Variants in FYN observed in about 807,000 individuals in gnomAD.
The protein encoded by FYN is FYN proto-oncogene, Src family tyrosine kinase.
FYN carries 10 observed loss-of-function variants against 70.2 expected under a neutral mutation model. The observed-to-expected ratio is 0.14, with a 90% CI of 0.09 to 0.24. FYN has a LOEUF of 0.24. Among genes scored for constraint, FYN ranks in the 10% least tolerant of loss-of-function variants. The pLI is 1.00. For synonymous variants in FYN, 236 were observed against 248.6 expected (o/e 0.95, Z 0.48); for missense variants, 319 against 673.1 (o/e 0.47, Z 5.82).
chr6:111,825,526 G>A (rs114658563), intron 2 of FYN, among the ~76,000 whole-genome samples: 128 of 152,314 alleles, frequency 8.4e-4, no homozygotes, highest in African/African-American at 3.0e-3. Context: ...GGATTTCTGT[G>A]AGCATTAAAT....
intron 2 of FYN, among the ~76,000 whole-genome samples, chr6:111,790,819 C>T (rs1257276530): frequency 6.6e-6 from 1 of 152,060 alleles, no homozygotes; most frequent in Non-Finnish European, 1.5e-5. Context: ...AAATCTCCAT[C>T]AAAAGAATAC....
At chr6:111,798,057 C>T (rs1771874331) in intron 2 of FYN, among the ~76,000 whole-genome samples, 1 of 152,092 alleles carries the variant, frequency 6.6e-6, no homozygotes, top group South Asian at 2.1e-4. Flanking sequence ...AGTCACCGTG[C>T]CCGACCCTAG....
At chr6:111,778,034 T>C (rs999320231) in intron 3 of FYN, among the ~76,000 whole-genome samples, 8 of 152,326 alleles carry the variant, frequency 5.3e-5, no homozygotes, top group South Asian at 2.1e-4. Context: ...AGGAAGAGGA[T>C]TGGGTGTCTA....
intron 4 of FYN, 102 bp from the exon 5 acceptor site, chr6:111,714,545 T>C: frequency 1.2e-6 from 1 of 808,928 alleles, no homozygotes; most frequent in Non-Finnish European, 2.1e-6. Context: ...AATCTACATC[T>C]AGCCAGCACT....
At chr6:111,699,913 CTTTTTTTTTTTTT>C (rs71021861) in intron 9 of FYN, 178 bp downstream of exon 9, 5 of 186,568 alleles carry the variant, frequency 2.7e-5, no homozygotes, top group South Asian at 9.4e-5. Flanking sequence ...CACTTACTAT[CTTTTTTTTTTTTT>C]TTTTTTTTTT....
At chr6:111,675,857 A>C (rs1798512945) in intron 12 of FYN, among the ~76,000 whole-genome samples, 1 of 151,754 alleles carries the variant, frequency 6.6e-6, no homozygotes, top group Non-Finnish European at 1.5e-5. Context: ...ATAAAATAAA[A>C]GGGATTCAGC....
At chr6:111,804,313 G>C (rs527252190) in intron 2 of FYN, among the ~76,000 whole-genome samples, 88 of 152,298 alleles carry the variant, frequency 5.8e-4, no homozygotes, top group Non-Finnish European at 9.0e-4. Context: ...CTGGGGAACA[G>C]AGACCTCAGC....
At chr6:111,668,238 G>A (rs923937895) in intron 13 of FYN, among the ~76,000 whole-genome samples, 15 of 152,248 alleles carry the variant, frequency 9.9e-5, no homozygotes, top group Admixed American at 3.3e-4. Context: ...TTAGGTTTTA[G>A]TATAGGATCA....
rs193121283 is a variant in FYN, at chr6:111,847,845, A to T, written c.-122-1216T>A. ...GGCATTCAAATCATGAACTCACTGG[A>T]GATGAGCAAGAGAACCACCATGGAG... On this transcript the variant is annotated intron_variant, in intron 1 of 13. Transcript: ENST00000354650. 9.6e-4 allele frequency among the ~76,000 whole-genome samples: 147 copies of T among 152,358 alleles called. 1 individual carries two copies. The highest frequency in any genetic ancestry group is 5.4e-3 in the South Asian group (26 of 4,826).
At chr6:111,733,772 A>T (rs1306941263) in intron 3 of FYN, among the ~76,000 whole-genome samples, 1 of 152,188 alleles carries the variant, frequency 6.6e-6, no homozygotes, top group Non-Finnish European at 1.5e-5. Flanking sequence ...TCTGAAGTCC[A>T]GTTCCCTCAT....
At chr6:111,776,386 T>C (rs1304863840) in intron 3 of FYN, among the ~76,000 whole-genome samples, 1 of 152,164 alleles carries the variant, frequency 6.6e-6, no homozygotes, top group East Asian at 1.9e-4. Flanking sequence ...CTCAACTCTG[T>C]TTATTAGTCA....
chr6:111,720,142 T>C, intron 3 of FYN, 80 bp from the exon 4 acceptor site: 8 of 1,478,396 alleles, frequency 5.4e-6, no homozygotes, highest in Non-Finnish European at 7.3e-6. Context: ...CGAGGAGTAA[T>C]TGACAAGGCT....
chr6:111,701,086 G>A (rs932188135), intron 8 of FYN, among the ~76,000 whole-genome samples: 2 of 152,000 alleles, frequency 1.3e-5, no homozygotes, highest in African/African-American at 4.8e-5. Context: ...TTCAAGATGT[G>A]AAAGAATGTA....
chr6:111,692,908 A>C (rs1799400718), intron 12 of FYN, among the ~76,000 whole-genome samples: 1 of 152,166 alleles, frequency 6.6e-6, no homozygotes. Context: ...TCAAAGCTGC[A>C]GTGCGCCTTT....
At chr6:111,805,299 C>T (rs1772112551) in intron 2 of FYN, among the ~76,000 whole-genome samples, 1 of 152,186 alleles carries the variant, frequency 6.6e-6, no homozygotes, top group South Asian at 2.1e-4. Context: ...AGGTTCTAAG[C>T]CATTGTGAAC....
chr6:111,791,869 T>C (rs879730589), intron 2 of FYN, among the ~76,000 whole-genome samples: 1 of 152,230 alleles, frequency 6.6e-6, no homozygotes, highest in Non-Finnish European at 1.5e-5. Context: ...TTCCACCGTA[T>C]ACCATGCAAA....
At position 111,703,009 on chromosome 6, in the gene FYN, A is replaced by G. The variant is rs367543110; in HGVS notation, c.573T>C (p.Asp191=). The change falls in exon 8 of 14, where the codon GAT becomes GAC. Residue 191 remains aspartate, a synonymous_variant. Coordinates refer to ENST00000354650, the MANE Select transcript of FYN (RefSeq NM_002037.5). ...CATGGTCTCCTTTCATATCATCCCA[A>G]TCACGGATAGAAAGTGAATAGGCAC... The part of the protein sequence containing the change: ...TKGAYSLSIR[D]WDDMKGDHVK... The G allele has an allele frequency of 1.1e-5, 17 of 1,613,976 alleles. No homozygotes were observed. The African/African-American group carries it at 1.1e-4, about 10-fold the overall frequency.
At chr6:111,745,575 G>GT (rs779969491) in intron 3 of FYN, among the ~76,000 whole-genome samples, 2 of 152,150 alleles carry the variant, frequency 1.3e-5, no homozygotes, top group Admixed American at 6.5e-5. Context: ...GCGAATGCAG[G>GT]TAACTAGAGA....
chr6:111,871,760 G>A (rs1476713236), intron 1 of FYN, among the ~76,000 whole-genome samples: 3 of 152,212 alleles, frequency 2.0e-5, no homozygotes, highest in Non-Finnish European at 4.4e-5. Flanking sequence ...AGAACGAGGG[G>A]ATGGGGAGGC....
Sources: allele counts gnomAD v4.1 joint callset (sites outside exome capture counted in the v4.1 genomes callset), GRCh38; gene constraint gnomAD v4.1.1; transcripts MANE v1.5; gene names NCBI Gene and HGNC (gene_info 2026-07-23, HGNC 2026-07-21).